PAX5: variants seen among roughly 807,000 people sequenced by gnomAD.
PAX5 encodes the protein paired box protein Pax-5.
Under a neutral mutation model 43.7 loss-of-function variants are expected in PAX5, and 9 were observed. That is an observed-to-expected ratio of 0.21 (90% confidence interval 0.12 to 0.36). The LOEUF (loss-of-function observed/expected upper bound fraction) is 0.36. PAX5 is among the 10% of genes least tolerant of loss of function. The pLI is 1.00. For missense variants in PAX5, 383 were observed against 532.7 expected (o/e 0.72, Z 2.77); for synonymous variants, 228 against 214.3 (o/e 1.06, Z -0.56).
chr9:36,923,342 C>T lies in PAX5; in HGVS notation c.910+13G>A, dbSNP rs749491561. 2 of 1,607,754 alleles carry T rather than the reference C, an allele frequency of 1.2e-6. No individual in the cohort carries two copies. The highest frequency in any genetic ancestry group is 1.7e-6 in the Non-Finnish European group (2 of 1,176,940). On this transcript the variant is annotated intron_variant, in intron 7 of 9. Coordinates refer to ENST00000358127, the MANE Select transcript of PAX5 (RefSeq NM_016734.3). ...TCTCCCTCACTCATCCCCCATGCCC[C>T]AGGTGCCCTCACCTGTCACAATGGG...
chr9:36,923,939 G>A (rs1374323393), intron 6 of PAX5, among the ~76,000 whole-genome samples: 4 of 152,232 alleles, frequency 2.6e-5, no homozygotes, highest in African/African-American at 9.6e-5. Context: ...CAAGGGTTAA[G>A]AGGAATCTGG....
intron 7 of PAX5, among the ~76,000 whole-genome samples, chr9:36,912,304 C>A (rs1009755564): frequency 3.9e-5 from 6 of 152,352 alleles, no homozygotes; most frequent in Non-Finnish European, 4.4e-5. Context: ...TCTGCAAGGT[C>A]CGCTCATATA....
intron 8 of PAX5, among the ~76,000 whole-genome samples, chr9:36,857,908 T>A (rs1205595620): frequency 6.6e-6 from 1 of 152,152 alleles, no homozygotes; most frequent in Non-Finnish European, 1.5e-5. Context: ...TGTAAATAAT[T>A]GTAGAAAGGG....
chr9:36,895,940 T>C (rs189814529), intron 7 of PAX5, among the ~76,000 whole-genome samples: 204 of 152,282 alleles, frequency 1.3e-3, no homozygotes, highest in African/African-American at 4.7e-3. Context: ...GCAAAGCCCA[T>C]GGAGGTACAG....
At chr9:36,973,172 A>C (rs1835119559) in intron 5 of PAX5, among the ~76,000 whole-genome samples, 1 of 130,462 alleles carries the variant, frequency 7.7e-6, no homozygotes, top group East Asian at 2.4e-4. Context: ...AAGGAAAGGA[A>C]AGGAAAGGAA....
chr9:36,930,833 G>A, intron 6 of PAX5: 1 of 1,304,230 alleles, frequency 7.7e-7, no homozygotes, highest in East Asian at 4.7e-5. Context: ...ACTCAAGGAG[G>A]CACGTGCCCC....
intron 2 of PAX5, among the ~76,000 whole-genome samples, chr9:37,019,099 G>A (rs1839640387): frequency 1.3e-5 from 2 of 152,120 alleles, no homozygotes; most frequent in East Asian, 1.9e-4. Flanking sequence ...CTAGAAGTCT[G>A]ATGCTGAGAT....
In PAX5 at chr9:36,882,170, C is replaced by T. The variant is rs1425135757; in HGVS notation, c.911-65G>A. 4.0e-5 allele frequency: 52 copies of T among 1,298,828 alleles called. No homozygotes were observed. Among genetic ancestry groups the T allele is most frequent in the Non-Finnish European group, 5.2e-5 (49 of 936,638 alleles). 80.5% of individuals were successfully genotyped at this position (1,298,828 alleles called of 1,614,324 possible). Reference sequence around the variant, plus strand: ...CGCGGCCAGCCGCTCATGTCCACAGCTCCCTGGACGCTTCTGCACATTTGT... The same window carrying T: ...CGCGGCCAGCCGCTCATGTCCACAGTTCCCTGGACGCTTCTGCACATTTGT... On this transcript the variant is annotated intron_variant, in intron 7 of 9. Coordinates refer to ENST00000358127, the MANE Select transcript of PAX5 (RefSeq NM_016734.3). The surrounding 1 kb of genome is among the most constrained non-coding windows in gnomAD (Gnocchi z 4.4).
chr9:36,937,051 T>C (rs1431351061), intron 6 of PAX5, among the ~76,000 whole-genome samples: 1 of 152,184 alleles, frequency 6.6e-6, no homozygotes, highest in African/African-American at 2.4e-5. Context: ...AAGAGAAGGC[T>C]GCAAAGGCAA....
At chr9:36,919,172 A>G (rs2131945550) in intron 7 of PAX5, among the ~76,000 whole-genome samples, 1 of 152,354 alleles carries the variant, frequency 6.6e-6, no homozygotes, top group South Asian at 2.1e-4. Flanking sequence ...CTACAAGTGG[A>G]AAAACAAAGC....
At chr9:36,972,367 A>G (rs1197331409) in intron 5 of PAX5, among the ~76,000 whole-genome samples, 1 of 152,188 alleles carries the variant, frequency 6.6e-6, no homozygotes, top group Non-Finnish European at 1.5e-5. Context: ...GGGCCCAGGC[A>G]AGTTCCTCTC....
At chr9:36,936,839 C>T (rs1363541964) in intron 6 of PAX5, among the ~76,000 whole-genome samples, 1 of 100,816 alleles carries the variant, frequency 9.9e-6, no homozygotes, top group Non-Finnish European at 2.2e-5. Context: ...TGCACACACA[C>T]ACACACACAT....
chr9:36,925,702 C>T (rs539132205), intron 6 of PAX5, among the ~76,000 whole-genome samples: 53 of 152,176 alleles, frequency 3.5e-4, no homozygotes, highest in Admixed American at 5.9e-4. Flanking sequence ...TCCAACGTGG[C>T]GAGCTCTAGG....
intron 6 of PAX5, among the ~76,000 whole-genome samples, chr9:36,933,477 G>A (rs1040235914): frequency 6.6e-6 from 1 of 152,174 alleles, no homozygotes; most frequent in South Asian, 2.1e-4. Context: ...TGCCCCGGGA[G>A]TCCTGGGATG....
intron 8 of PAX5, among the ~76,000 whole-genome samples, chr9:36,866,806 A>G (rs1425704090): frequency 6.6e-6 from 1 of 152,110 alleles, no homozygotes; most frequent in African/African-American, 2.4e-5. Flanking sequence ...GGTTGAGTCC[A>G]GCCCTGTCCA....
chr9:36,973,239 C>A (rs958932223), intron 5 of PAX5, among the ~76,000 whole-genome samples: 4 of 152,110 alleles, frequency 2.6e-5, no homozygotes, highest in Non-Finnish European at 5.9e-5. Context: ...CACTACAACA[C>A]CCCCACCTTA....
chr9:37,013,666 C>T (rs1281715155), intron 3 of PAX5, among the ~76,000 whole-genome samples: 1 of 152,130 alleles, frequency 6.6e-6, no homozygotes, highest in Non-Finnish European at 1.5e-5. Flanking sequence ...CAATTTTGTC[C>T]AGGTGCATCA....
intron 6 of PAX5, among the ~76,000 whole-genome samples, chr9:36,927,978 G>A (rs1431755624): frequency 6.6e-6 from 1 of 152,182 alleles, no homozygotes; most frequent in Non-Finnish European, 1.5e-5. Context: ...CCAAAGTGCT[G>A]GGATTACAGG....
At chr9:36,969,781 G>A (rs921955409) in intron 5 of PAX5, among the ~76,000 whole-genome samples, 4 of 152,130 alleles carry the variant, frequency 2.6e-5, no homozygotes, top group African/African-American at 7.3e-5. Flanking sequence ...AGGGCTGCGA[G>A]CTGGGCAGAG....
Sources: gnomAD v4.1 joint callset for allele counts (sites outside exome capture counted in the v4.1 genomes callset) on GRCh38, gnomAD v4.1.1 for gene constraint, Gnocchi (gnomAD v3.1) non-coding constraint, MANE v1.5 for transcripts, NCBI Gene and HGNC (gene_info 2026-07-23, HGNC 2026-07-21) for gene names.